TRIM37: variants seen among roughly 807,000 people sequenced by gnomAD.
TRIM37 encodes E3 ubiquitin-protein ligase TRIM37.
A neutral mutation model predicts 129.8 loss-of-function variants in TRIM37; 80 were observed. The ratio of observed to expected loss-of-function variants is 0.62; its 90% CI spans 0.51 to 0.74. The LOEUF is 0.74. Among genes scored for constraint, TRIM37 ranks in the 30% least tolerant of loss-of-function variants. The pLI is 0.00. For synonymous variants in TRIM37, 389 were observed against 387.1 expected (o/e 1.00, Z -0.06); for missense variants, 1,054 against 1,176.5 (o/e 0.90, Z 1.52).
intron 17 of TRIM37, among the ~76,000 whole-genome samples, chr17:59,039,888 A>C (rs539751448): frequency 1.3e-5 from 2 of 152,154 alleles, no homozygotes; most frequent in Non-Finnish European, 2.9e-5. Context: ...ATTAGATATT[A>C]TTTTTCATTA....
At chr17:59,065,060 A>G (rs2041820695) in intron 9 of TRIM37, among the ~76,000 whole-genome samples, 1 of 152,178 alleles carries the variant, frequency 6.6e-6, no homozygotes, top group Non-Finnish European at 1.5e-5. Context: ...CAGTCAACCA[A>G]TAAATCAATA....
At chr17:59,009,783 G>A (rs777374694) in intron 22 of TRIM37, among the ~76,000 whole-genome samples, 7 of 152,022 alleles carry the variant, frequency 4.6e-5, no homozygotes, top group Non-Finnish European at 7.4e-5. Flanking sequence ...CTTTGGGTAA[G>A]GTAAATTACA....
intron 2 of TRIM37, 68 bp downstream of exon 2, chr17:59,104,225 G>A (rs553230187): frequency 6.9e-7 from 1 of 1,452,226 alleles, no homozygotes; most frequent in African/African-American, 1.4e-5. Context: ...AAAAAGATAA[G>A]GGAAATGGTT....
In TRIM37 at chr17:59,028,433, T is replaced by C. The variant is rs1288094169; in HGVS notation, c.2239A>G (p.Asn747Asp). ...TACTTACAGTTTCGTATGTAACAAT[T>C]GGCAACTGATGACTTTGCCAGGAGT... ...MELLAKSSVA[N>D]CYIRNSTNKK... Residue 747 changes from asparagine to aspartate, a missense_variant, in exon 19 of 24, where the codon AAT becomes GAT. Transcript: ENST00000262294. 1.2e-6 allele frequency: 2 copies of C among 1,613,190 alleles called. No homozygotes were observed. Among genetic ancestry groups the C allele is most frequent in the South Asian group, 2.2e-5 (2 of 91,082 alleles).
intron 2 of TRIM37, among the ~76,000 whole-genome samples, chr17:59,092,566 T>C (rs931420504): frequency 6.6e-6 from 1 of 152,046 alleles, no homozygotes; most frequent in African/African-American, 2.4e-5. Context: ...TTATACCACA[T>C]ATAAAGGAGA....
intron 4 of TRIM37, 67 bp from the exon 5 acceptor site, chr17:59,084,156 T>C: frequency 7.9e-7 from 1 of 1,267,068 alleles, no homozygotes; most frequent in Non-Finnish European, 1.1e-6. Flanking sequence ...CACAAATTCT[T>C]AAGCTTGGGC....
At chr17:59,099,717 AACCGAACAC>A (rs1170695204) in intron 2 of TRIM37, among the ~76,000 whole-genome samples, 1 of 152,224 alleles carries the variant, frequency 6.6e-6, no homozygotes, top group Non-Finnish European at 1.5e-5. Context: ...AAATTCACAA[AACCGAACAC>A]ACCAACTGTT....
rs762699288 is a variant in TRIM37 at position 59,079,814 on chromosome 17, C to A, written c.556G>T (p.Val186Leu). The A allele has an allele frequency of 1.2e-6, 2 of 1,614,086 alleles. No homozygotes were observed. The highest frequency in any genetic ancestry group is 1.7e-6 in the Non-Finnish European group (2 of 1,179,964). The part of the protein sequence containing the change: ...DERVREIRNA[V>L]EMMIARLDTQ... ...TCTAACCGTGCAATCATCATCTCCA[C>A]TGCATTCCTAATTTCCCGAACACGC... The change falls in exon 7 of 24, where the codon GTG becomes TTG. Residue 186 changes from valine to leucine, a missense_variant. Around this residue, in one of 3 missense-constraint regions of TRIM37, gnomAD observed 752 missense variants for 870.8 expected, o/e 0.86. Transcript: ENST00000262294.
chr17:58,969,936 C>G, the TRIM37 span, among the ~76,000 whole-genome samples: 1 of 152,158 alleles, frequency 6.6e-6, no homozygotes, highest in Non-Finnish European at 1.5e-5. Context: ...TATAGAAAAT[C>G]TCAAGCTGTA....
Position 59,001,625 on chromosome 17 carries a change from TGAA to T in TRIM37, c.2782_2784del (p.Phe928del). On this transcript the variant is annotated inframe_deletion, in exon 23 of 24. Coordinates refer to ENST00000262294, the MANE Select transcript of TRIM37 (RefSeq NM_015294.6). ...TCATCCGGGGGCTGTGTCATGACCA[TGAA>T]GGAGTCGTGAAACCCGCCCACACTG... 1 of 1,614,038 alleles carries T rather than the reference TGAA, an allele frequency of 6.2e-7. No individual in the cohort carries two copies.
intron 10 of TRIM37, among the ~76,000 whole-genome samples, chr17:59,063,308 T>C (rs1442675960): frequency 2.0e-5 from 3 of 152,100 alleles, no homozygotes; most frequent in Non-Finnish European, 4.4e-5. Flanking sequence ...GCCTCCCAAG[T>C]AGCTGGGATT....
At chr17:59,036,330 A>T (rs143270054) in intron 17 of TRIM37, among the ~76,000 whole-genome samples, 1 of 152,178 alleles carries the variant, frequency 6.6e-6, no homozygotes, top group Non-Finnish European at 1.5e-5. Context: ...AAGTTAAATG[A>T]AAGACAATTT....
intron 22 of TRIM37, among the ~76,000 whole-genome samples, chr17:59,004,837 ACTCTTCCTTTT>A (rs1216113499): frequency 6.6e-6 from 1 of 152,102 alleles, no homozygotes; most frequent in Non-Finnish European, 1.5e-5. Flanking sequence ...TCAGTGGTAC[ACTCTTCCTTTT>A]CTCTTTTTAA....
intron 2 of TRIM37, among the ~76,000 whole-genome samples, chr17:59,100,890 T>A (rs2045392587): frequency 6.6e-6 from 1 of 151,862 alleles, no homozygotes; most frequent in Non-Finnish European, 1.5e-5. Context: ...AGCGTGGTGA[T>A]GCATGCCTAT....
chr17:59,007,692 G>A (rs925324439), intron 22 of TRIM37, among the ~76,000 whole-genome samples: 5 of 152,078 alleles, frequency 3.3e-5, no homozygotes, highest in Non-Finnish European at 4.4e-5. Context: ...TTAAACCAGC[G>A]ACTAATACAA....
intron 17 of TRIM37, among the ~76,000 whole-genome samples, chr17:59,033,854 A>T (rs894518180): frequency 2.0e-5 from 3 of 151,796 alleles, no homozygotes; most frequent in Non-Finnish European, 2.9e-5. Context: ...GCAGTGGCTC[A>T]CGCCTGTTAT....
chr17:59,009,978 T>C (rs2144837933), intron 22 of TRIM37, among the ~76,000 whole-genome samples: 1 of 152,322 alleles, frequency 6.6e-6, no homozygotes, highest in Admixed American at 6.5e-5. Context: ...GCACTCATCG[T>C]CCTATATTAC....
At chr17:59,057,375 C>T (rs1386380801) in intron 12 of TRIM37, among the ~76,000 whole-genome samples, 1 of 152,088 alleles carries the variant, frequency 6.6e-6, no homozygotes, top group Non-Finnish European at 1.5e-5. Flanking sequence ...CCATGCTTAG[C>T]TAATTTTGTA....
intron 6 of TRIM37, 82 bp downstream of exon 6, chr17:59,081,015 C>T: frequency 1.2e-6 from 1 of 856,728 alleles, no homozygotes; most frequent in African/African-American, 1.8e-5. Context: ...ATTTCAACAT[C>T]TGATTAACTT....
Sources: allele counts gnomAD v4.1 joint callset (sites outside exome capture counted in the v4.1 genomes callset), GRCh38; gene constraint gnomAD v4.1.1; regional missense constraint gnomAD v4.1.1; transcripts MANE v1.5; gene names NCBI Gene and HGNC (gene_info 2026-07-23, HGNC 2026-07-21).